The following GALK2 variants were observed in gnomAD, a reference collection of about 807,000 sequenced individuals.
GALK2 encodes N-acetylgalactosamine kinase.
GALK2 carries 36 observed loss-of-function variants against 52.4 expected under a neutral mutation model. The observed-to-expected ratio is 0.69, with a 90% confidence interval of 0.53 to 0.91. GALK2 has a LOEUF of 0.91. Ranked by LOEUF, GALK2 falls within the 40% of genes least tolerant of loss-of-function variation. GALK2 has a pLI of 0.00. For missense variants in GALK2, 579 were observed against 559.1 expected (o/e 1.04, Z -0.36); for synonymous variants, 176 against 199.1 (o/e 0.88, Z 0.98).
intron 5 of GALK2, among the ~76,000 whole-genome samples, chr15:49,262,466 G>T (rs148372896): frequency 0.06 from 9,183 of 151,982 alleles, 550 homozygotes; most frequent in African/African-American, 0.15. Context: ...GTTTTCTTCT[G>T]TATTAGTCTT....
At chr15:49,250,801 AT>A (rs1197791923) in intron 5 of GALK2, among the ~76,000 whole-genome samples, 3 of 152,160 alleles carry the variant, frequency 2.0e-5, no homozygotes, top group Admixed American at 2.0e-4. Context: ...TGTGAATTGG[AT>A]TTTTTAAATA....
chr15:49,229,792 G>T (rs2247517), intron 3 of GALK2, among the ~76,000 whole-genome samples: 2 of 151,922 alleles, frequency 1.3e-5, no homozygotes, highest in African/African-American at 4.8e-5. Flanking sequence ...GGCAGCAGTC[G>T]TAGACAATTG....
intron 5 of GALK2, among the ~76,000 whole-genome samples, chr15:49,260,420 T>C (rs567976001): frequency 1.1e-3 from 165 of 149,486 alleles, no homozygotes; most frequent in African/African-American, 3.9e-3. Context: ...GTTGTTTGTT[T>C]TTTTCTTGTA....
rs755829174 is a variant in GALK2, at chr15:49,255,784, A to G, written c.504+16417A>G. 5.2e-4 allele frequency among the ~76,000 whole-genome samples: 79 copies of G among 152,132 alleles called. 1 individual carries two copies. The highest frequency in any genetic ancestry group is 9.7e-4 in the Non-Finnish European group (66 of 68,008). On this transcript the variant is annotated intron_variant, in intron 5 of 9. Coordinates refer to ENST00000560031, the MANE Select transcript of GALK2 (RefSeq NM_002044.4). ...ATTAAAAGTGATGATAGAGACTATA[A>G]CATAGTCTTCTATTACATGTTTTAA...
In GALK2 at chr15:49,331,463, GAATT is replaced by G. The variant is rs1381182414; in HGVS notation, c.*3306_*3309del. On this transcript the variant is annotated 3_prime_UTR_variant, in exon 10 of 10. Coordinates refer to ENST00000560031, the MANE Select transcript of GALK2 (RefSeq NM_002044.4). Reference sequence around the variant, plus strand: ...TGTTGGTACCCAATATGATTTTGTTGAATTATTAATGAAAAACTTACAATTTTAA... The same window carrying G: ...TGTTGGTACCCAATATGATTTTGTTGATTAATGAAAAACTTACAATTTTAA... 18 of 270,162 alleles carry G rather than the reference GAATT, an allele frequency of 6.7e-5. No homozygotes were observed. The East Asian group carries it at 1.0e-3, about 15-fold the overall frequency. The allele number at this position is 270,162 out of a possible 1,614,324, so 16.7% of individuals were successfully genotyped here.
At chr15:49,358,077 G>A (rs1414418128) in intron 3 of GALK2, among the ~76,000 whole-genome samples, 4 of 152,104 alleles carry the variant, frequency 2.6e-5, no homozygotes, top group Admixed American at 1.3e-4. Flanking sequence ...AGGTATTGAT[G>A]GGACGTATTT....
At chr15:49,184,874 T>G (rs1408552558) in intron 1 of GALK2, among the ~76,000 whole-genome samples, 4 of 152,226 alleles carry the variant, frequency 2.6e-5, no homozygotes, top group Non-Finnish European at 5.9e-5. Flanking sequence ...GTCTTTCTAC[T>G]CAAGATATAA....
intron 2 of GALK2, among the ~76,000 whole-genome samples, chr15:49,206,319 G>T (rs2088281241): frequency 6.6e-6 from 1 of 151,688 alleles, no homozygotes; most frequent in Admixed American, 6.6e-5. Context: ...CATATGTATG[G>T]TTCCATATGA....
upstream of GALK2, chr15:49,170,236 C>T (rs964239671): frequency 1.6e-5 from 25 of 1,535,880 alleles, no homozygotes; most frequent in Non-Finnish European, 1.8e-5. Flanking sequence ...CGGAAGAAAA[C>T]GGCTCCTGTC....
Position 49,170,306 on chromosome 15 carries a change from GA to G in GALK2, c.-15del. Reference sequence around the variant, plus strand: ...TAGACACTTGAAACTACAGGAGAAAGAAGGATCTAGCGAAATATGGCTACAG... The same window carrying G: ...TAGACACTTGAAACTACAGGAGAAAGAGGATCTAGCGAAATATGGCTACAG... On this transcript the variant is annotated 5_prime_UTR_variant, in exon 1 of 10. Transcript: ENST00000560031. 6.3e-7 allele frequency: 1 copy of G among 1,576,192 alleles called. No individual in the cohort carries two copies.
intron 9 of GALK2, among the ~76,000 whole-genome samples, chr15:49,321,899 C>T (rs111851881): frequency 1.4e-4 from 22 of 152,272 alleles, no homozygotes; most frequent in African/African-American, 5.3e-4. Flanking sequence ...GAACATTAAG[C>T]AAAGTCATGT....
intron 3 of GALK2, among the ~76,000 whole-genome samples, chr15:49,220,952 G>A (rs1231369694): frequency 6.6e-6 from 1 of 152,112 alleles, no homozygotes; most frequent in Non-Finnish European, 1.5e-5. Flanking sequence ...ACTATCGAGT[G>A]TTTTGAGTTC....
chr15:49,304,677 A>G (rs2035402198), intron 8 of GALK2, among the ~76,000 whole-genome samples: 1 of 152,246 alleles, frequency 6.6e-6, no homozygotes, highest in African/African-American at 2.4e-5. Flanking sequence ...TGACAACTGT[A>G]CTTTCCCATG....
intron 5 of GALK2, among the ~76,000 whole-genome samples, chr15:49,244,955 G>A (rs1268785902): frequency 6.6e-6 from 1 of 152,014 alleles, no homozygotes; most frequent in Non-Finnish European, 1.5e-5. Context: ...AGCTCAGCTA[G>A]ATATACAAAT....
chr15:49,186,492 T>G (rs1480093863), intron 1 of GALK2, among the ~76,000 whole-genome samples: 1 of 151,968 alleles, frequency 6.6e-6, no homozygotes, highest in Non-Finnish European at 1.5e-5. Flanking sequence ...TTTGTTAAAT[T>G]TATCTGATAA....
upstream of GALK2, among the ~76,000 whole-genome samples, chr15:49,168,578 T>A (rs1318110599): frequency 1.3e-5 from 2 of 151,898 alleles, no homozygotes; most frequent in African/African-American, 2.4e-5. Context: ...AATTAGCTGG[T>A]GTGGTGGCGG....
intron 8 of GALK2, among the ~76,000 whole-genome samples, chr15:49,307,510 G>T (rs1222735378): frequency 2.6e-5 from 4 of 152,146 alleles, no homozygotes; most frequent in African/African-American, 9.7e-5. Context: ...GGGATGATAA[G>T]AATCCAAACT....
intron 2 of GALK2, among the ~76,000 whole-genome samples, chr15:49,216,704 G>C (rs1346537851): frequency 6.6e-6 from 1 of 152,214 alleles, no homozygotes; most frequent in Non-Finnish European, 1.5e-5. Context: ...TGAGAATTCT[G>C]TCTTGCCCAG....
At chr15:49,224,813 T>G (rs1475440168) in intron 3 of GALK2, among the ~76,000 whole-genome samples, 4 of 152,226 alleles carry the variant, frequency 2.6e-5, no homozygotes, top group African/African-American at 4.8e-5. Flanking sequence ...TCACTGATTC[T>G]CCTCTGAGAG....
Sources: gnomAD v4.1 joint callset for allele counts (sites outside exome capture counted in the v4.1 genomes callset) on GRCh38, gnomAD v4.1.1 for gene constraint, MANE v1.5 for transcripts, NCBI Gene and HGNC (gene_info 2026-07-23, HGNC 2026-07-21) for gene names.